SLC2A9: variants seen among roughly 807,000 people sequenced by gnomAD.
SLC2A9 encodes solute carrier family 2, facilitated glucose transporter member 9.
In SLC2A9, 39 loss-of-function variants were observed where a neutral mutation model predicts 50.6. The ratio of observed to expected loss-of-function variants is 0.77; its 90% CI spans 0.60 to 1.01. SLC2A9 has a LOEUF of 1.01. SLC2A9 is among the 50% of genes least tolerant of loss of function. The probability of loss-of-function intolerance (pLI) is 0.00; values close to 1 mark genes in which losing one functional copy is unlikely to be tolerated. For synonymous variants in SLC2A9, 324 were observed against 276.9 expected (o/e 1.17, Z -1.69); for missense variants, 686 against 677.6 (o/e 1.01, Z -0.14).
At chr4:10,036,223 AC>A (rs1764101463) in intron 1 of SLC2A9, 1 of 152,142 alleles carries the variant, frequency 6.6e-6, no homozygotes, top group Non-Finnish European at 1.5e-5. Context: ...GCCCAGTTCC[AC>A]CCCTTTGGGC....
intron 5 of SLC2A9, among the ~76,000 whole-genome samples, chr4:9,971,672 A>T (rs895569263): frequency 3.3e-5 from 5 of 152,186 alleles, no homozygotes; most frequent in Non-Finnish European, 7.4e-5. Context: ...TGATTTTTTT[A>T]AAAAATCTTG....
chr4:9,799,328 G>C (rs1002096545), intron 3 of SLC2A9: 2 of 151,446 alleles, frequency 1.3e-5, no homozygotes, highest in Non-Finnish European at 2.9e-5. Context: ...AGTTTCTGAG[G>C]CTGGGAAGTC....
chr4:9,995,783 T>C (rs1758544591), intron 3 of SLC2A9: 2 of 152,218 alleles, frequency 1.3e-5, no homozygotes, highest in South Asian at 4.1e-4. Flanking sequence ...ATCATCCCTA[T>C]TTTACAGATA....
At chr4:9,888,659 G>T (rs943093555) in intron 9 of SLC2A9, among the ~76,000 whole-genome samples, 3 of 152,112 alleles carry the variant, frequency 2.0e-5, no homozygotes, top group African/African-American at 7.2e-5. Flanking sequence ...AGTCAGCCCA[G>T]TGGGAAAGGA....
intron 10 of SLC2A9, among the ~76,000 whole-genome samples, chr4:9,877,658 A>G (rs969551021): frequency 6.6e-6 from 1 of 152,026 alleles, no homozygotes; most frequent in Non-Finnish European, 1.5e-5. Context: ...GAGTTAAAGG[A>G]CTGAGCCCTT....
rs1487070986 is a variant in SLC2A9 at position 9,881,710 on chromosome 4, A to T, written c.1291+5857T>A. On this transcript the variant is annotated intron_variant, in intron 10 of 11. Transcript: ENST00000264784. ...AATTGAATTGCCTGTTTTGTGAGGCAGTGGGTTCCCTGTCAATAGATGCAA... is the reference window on the plus strand; with the variant it reads ...AATTGAATTGCCTGTTTTGTGAGGCTGTGGGTTCCCTGTCAATAGATGCAA... Among the ~76,000 whole-genome samples the T allele has an allele frequency of 3.9e-5, 6 of 152,368 alleles. No individual in the cohort carries two copies. In the East Asian group the frequency reaches 1.2e-3, roughly 29 times the overall value.
At chr4:9,795,125 C>T (rs1414046229), downstream of SLC2A9, among the ~76,000 whole-genome samples, 1 of 150,040 alleles carries the variant, frequency 6.7e-6, no homozygotes, top group Admixed American at 6.7e-5. Flanking sequence ...AATTCTCCTG[C>T]CTCAGCCTCC....
At chr4:9,969,647 T>C (rs1302403373) in intron 5 of SLC2A9, among the ~76,000 whole-genome samples, 4 of 152,220 alleles carry the variant, frequency 2.6e-5, no homozygotes, top group African/African-American at 7.2e-5. Context: ...AGACTCACAG[T>C]TCCCCATGGC....
At chr4:9,776,340 G>T (rs1046223882), downstream of SLC2A9, among the ~76,000 whole-genome samples, 13 of 151,954 alleles carry the variant, frequency 8.6e-5, no homozygotes, top group African/African-American at 2.7e-4. Flanking sequence ...AGGTCTTGGT[G>T]CTGTGCGATC....
chr4:9,930,174 C>T (rs1394260133), intron 6 of SLC2A9, among the ~76,000 whole-genome samples: 1 of 152,196 alleles, frequency 6.6e-6, no homozygotes, highest in South Asian at 2.1e-4. Flanking sequence ...CCTCCTCTCT[C>T]TCTCAGTCTC....
At chr4:9,831,670 T>C (rs969872235) in intron 11 of SLC2A9, among the ~76,000 whole-genome samples, 1 of 152,158 alleles carries the variant, frequency 6.6e-6, no homozygotes, top group Non-Finnish European at 1.5e-5. Flanking sequence ...AGCCAGGACA[T>C]AGCTTGAGTT....
intron 2 of SLC2A9, among the ~76,000 whole-genome samples, chr4:10,003,662 G>A (rs1321625695): frequency 1.3e-5 from 2 of 152,206 alleles, no homozygotes; most frequent in Admixed American, 6.5e-5. Flanking sequence ...GCTGAAGCCA[G>A]TGATGAAGTT....
At chr4:9,820,823 G>A (rs1724296837) in intron 3 of SLC2A9, among the ~76,000 whole-genome samples, 1 of 152,144 alleles carries the variant, frequency 6.6e-6, no homozygotes, top group South Asian at 2.1e-4. Context: ...TTTAGTTCAG[G>A]TAGATTCTTT....
intron 8 of SLC2A9, among the ~76,000 whole-genome samples, chr4:9,904,430 C>T (rs894312136): frequency 5.3e-5 from 8 of 152,210 alleles, no homozygotes; most frequent in African/African-American, 1.9e-4. Flanking sequence ...TTCTCTGACT[C>T]TGACCCTCCT....
chr4:9,867,926 C>T (rs954833798), intron 10 of SLC2A9, among the ~76,000 whole-genome samples: 3 of 152,216 alleles, frequency 2.0e-5, no homozygotes, highest in Admixed American at 2.0e-4. Flanking sequence ...GTGCCCCCCC[C>T]ACCCGAGGCC....
At chr4:9,894,008 G>T (rs1235437694) in intron 8 of SLC2A9, among the ~76,000 whole-genome samples, 1 of 152,216 alleles carries the variant, frequency 6.6e-6, no homozygotes, top group African/African-American at 2.4e-5. Context: ...TCAGAGAGAA[G>T]GAAGTGGGAT....
chr4:9,956,431 G>C (rs766715266), intron 5 of SLC2A9, among the ~76,000 whole-genome samples: 43 of 152,114 alleles, frequency 2.8e-4, no homozygotes, highest in Non-Finnish European at 5.1e-4. Flanking sequence ...AGTGAGCCAA[G>C]ATCGTGCCAC....
chr4:10,012,368 T>C (rs1372841613), intron 2 of SLC2A9, among the ~76,000 whole-genome samples: 1 of 152,238 alleles, frequency 6.6e-6, no homozygotes, highest in African/African-American at 2.4e-5. Context: ...GGACTTGCCT[T>C]GGACTCACTT....
intron 8 of SLC2A9, among the ~76,000 whole-genome samples, chr4:9,907,771 A>G (rs2030540906): frequency 6.6e-6 from 1 of 152,246 alleles, no homozygotes; most frequent in Admixed American, 6.5e-5. Flanking sequence ...CAGGGAAGCA[A>G]AATCTAGGAA....
Sources: allele counts gnomAD v4.1 joint callset (sites outside exome capture counted in the v4.1 genomes callset), GRCh38; gene constraint gnomAD v4.1.1; transcripts MANE v1.5; gene names NCBI Gene and HGNC (gene_info 2026-07-23, HGNC 2026-07-21).